The following EPB41L4A variants were observed in gnomAD, a reference collection of about 807,000 sequenced individuals.
EPB41L4A encodes band 4.1-like protein 4A.
In EPB41L4A, 100 loss-of-function variants were observed where a neutral mutation model predicts 108.6. That is an observed-to-expected ratio of 0.92 (90% confidence interval 0.78 to 1.09). EPB41L4A has a LOEUF of 1.09. Among genes scored for constraint, EPB41L4A ranks in the 50% least tolerant of loss-of-function variants. EPB41L4A has a pLI of 0.00. For synonymous variants in EPB41L4A, 319 were observed against 289.0 expected, an observed-to-expected ratio of 1.10 and a Z score of -1.05; for missense variants, 1,030 against 842.7, an observed-to-expected ratio of 1.22 and a Z score of -2.75.
intron 12 of EPB41L4A, among the ~76,000 whole-genome samples, chr5:112,218,725 G>C (rs1201275072): frequency 6.6e-6 from 1 of 152,138 alleles, no homozygotes; most frequent in African/African-American, 2.4e-5. Context: ...TGCTTATTTA[G>C]CTAAGGCAAA....
In EPB41L4A at chr5:112,167,242, T is replaced by TA. The variant is rs1760307091; in HGVS notation, c.1932+1496dup. Among the ~76,000 whole-genome samples, 7 of 152,100 alleles carry TA rather than the reference T, an allele frequency of 4.6e-5. No homozygotes were observed. In the South Asian group the frequency reaches 1.5e-3, roughly 32 times the overall value. ...CTTAGAAGTTTAGCAGTATTAAAGT[T>TA]ACACAAGTAGTACACAGAGATGAAA... On this transcript the variant is annotated intron_variant, in intron 22 of 22. Transcript: ENST00000261486.
At chr5:112,322,187 T>A (rs1755824834) in intron 1 of EPB41L4A, among the ~76,000 whole-genome samples, 1 of 152,218 alleles carries the variant, frequency 6.6e-6, no homozygotes, top group Non-Finnish European at 1.5e-5. Context: ...CATCTTCTCA[T>A]AAATGTGAAA....
At chr5:112,330,242 C>T (rs192855638) in intron 1 of EPB41L4A, among the ~76,000 whole-genome samples, 32 of 151,898 alleles carry the variant, frequency 2.1e-4, no homozygotes, top group Non-Finnish European at 2.9e-4. Context: ...GCAGGGCAGT[C>T]CCTGGGATTA....
intron 7 of EPB41L4A, among the ~76,000 whole-genome samples, chr5:112,261,885 A>ATTTTTTT (rs35793398): frequency 1.8e-5 from 2 of 112,444 alleles, no homozygotes; most frequent in African/African-American, 3.5e-5. Flanking sequence ...TTACACACCA[A>ATTTTTTT]TTTTTTTTTT....
chr5:112,309,990 A>G (rs1754945540), intron 1 of EPB41L4A, among the ~76,000 whole-genome samples: 1 of 152,190 alleles, frequency 6.6e-6, no homozygotes, highest in African/African-American at 2.4e-5. Flanking sequence ...TTGGAAGTCG[A>G]TTCTTCCCCA....
chr5:112,329,946 C>G (rs918490770), intron 1 of EPB41L4A, among the ~76,000 whole-genome samples: 2 of 152,184 alleles, frequency 1.3e-5, no homozygotes, highest in South Asian at 2.1e-4. Context: ...GTCGGCAAGT[C>G]TGCTGAATCA....
At chr5:112,157,446 AC>A (rs528334331) in intron 12 of EPB41L4A, among the ~76,000 whole-genome samples, 130 of 152,356 alleles carry the variant, frequency 8.5e-4, no homozygotes, top group African/African-American at 3.0e-3. Flanking sequence ...TGCTACCATA[AC>A]AAATTAACAC....
At position 112,419,053 on chromosome 5, in the gene EPB41L4A, G is replaced by C. The variant is rs764691535; in HGVS notation, c.-14C>G. 2 of 1,606,482 alleles carry C rather than the reference G, an allele frequency of 1.2e-6. No individual in the cohort carries two copies. Among genetic ancestry groups the C allele is most frequent in the East Asian group, 2.2e-5 (1 of 44,670 alleles). On this transcript the variant is annotated 5_prime_UTR_variant, in exon 1 of 23. Transcript: ENST00000261486. The stretch of plus-strand genomic sequence containing the variant: ...GAAACAGCCCATGTCGGTTGTGGTC[G>C]TCTCCAGCCAGGAGAGAAAGCTACC...
chr5:112,367,782 G>A (rs4958045), intron 1 of EPB41L4A, among the ~76,000 whole-genome samples: 25,227 of 150,826 alleles, frequency 0.17, 2,111 homozygotes, highest in Admixed American at 0.2. Flanking sequence ...AATGACATTT[G>A]CATTTCATTA....
chr5:112,215,897 G>C (rs1370243164), intron 12 of EPB41L4A, among the ~76,000 whole-genome samples: 1 of 152,122 alleles, frequency 6.6e-6, no homozygotes, highest in Non-Finnish European at 1.5e-5. Flanking sequence ...CTCATGGCCT[G>C]TGATATTTGT....
chr5:112,303,172 C>T (rs995447314), intron 2 of EPB41L4A, among the ~76,000 whole-genome samples: 1 of 152,138 alleles, frequency 6.6e-6, no homozygotes, highest in African/African-American at 2.4e-5. Context: ...ATTATAGGTA[C>T]TTTCCAGAAC....
rs376161410 is a variant in EPB41L4A at position 112,209,897 on chromosome 5, T to C, written c.1173A>G (p.Val391=). ...GTIKIIAPSP[V]KSFKKAKNEN... is the part of the protein sequence containing the mutation. ...CTTCAGTTAACTTCACTGACCTTTT[T>C]ACTGGTGAAGGTGCAATAATTTTAA... Residue 391 remains valine (V), a synonymous_variant, in exon 13 of 23, where the codon GTA becomes GTG. Transcript: ENST00000261486. The C allele has an allele frequency of 1.3e-6, 2 of 1,594,202 alleles. No individual in the cohort carries two copies. The highest frequency in any genetic ancestry group is 1.9e-4 in the Middle Eastern group (1 of 5,208).
chr5:112,266,449 C>T (rs1451581662), intron 4 of EPB41L4A, 119 bp from the exon 5 acceptor site: 2 of 665,368 alleles, frequency 3.0e-6, no homozygotes, highest in East Asian at 2.8e-5. Flanking sequence ...AGTCACCCCC[C>T]ATTCTTGTGT....
rs182451295 is a variant in EPB41L4A, at chr5:112,240,382, A to C, written c.887+337T>G. ...CCTAGATGGCTGATAGGCTTTTCAA[A>C]TTAATTATGCACAGAACACTCCATT... On this transcript the variant is annotated intron_variant, in intron 10 of 22. Coordinates refer to ENST00000261486, the MANE Select transcript of EPB41L4A (RefSeq NM_022140.5). 2.6e-5 allele frequency among the ~76,000 whole-genome samples: 4 copies of C among 152,334 alleles called. No individual in the cohort carries two copies. In the East Asian group the frequency reaches 7.7e-4, roughly 29 times the overall value.
intron 6 of EPB41L4A, chr5:112,264,666 C>CA: frequency 3.0e-6 from 1 of 328,928 alleles, no homozygotes; most frequent in Non-Finnish European, 5.4e-6. Context: ...GGCCATTGAC[C>CA]AAAAAATGGT....
intron 22 of EPB41L4A, among the ~76,000 whole-genome samples, chr5:112,168,403 T>G (rs2150196971): frequency 6.6e-6 from 1 of 152,368 alleles, no homozygotes; most frequent in African/African-American, 2.4e-5. Context: ...TCTTTGTTTC[T>G]CTGGCTCAAA....
chr5:112,205,048 G>C (rs1762406685), intron 14 of EPB41L4A, among the ~76,000 whole-genome samples: 1 of 152,144 alleles, frequency 6.6e-6, no homozygotes, highest in Non-Finnish European at 1.5e-5. Context: ...AGGAATAAAG[G>C]TCTTCCAGCA....
intron 12 of EPB41L4A, among the ~76,000 whole-genome samples, chr5:112,148,367 T>G (rs1759343837): frequency 6.6e-6 from 1 of 151,530 alleles, no homozygotes; most frequent in African/African-American, 2.4e-5. Flanking sequence ...ATTTTAAAAT[T>G]AGGGTTATAT....
chr5:112,409,118 A>G (rs1430304668), intron 1 of EPB41L4A, among the ~76,000 whole-genome samples: 1 of 152,178 alleles, frequency 6.6e-6, no homozygotes, highest in Admixed American at 6.5e-5. Context: ...AATAAAATAT[A>G]GTACATCCAT....
Sources: allele counts gnomAD v4.1 joint callset (sites outside exome capture counted in the v4.1 genomes callset), GRCh38; gene constraint gnomAD v4.1.1; transcripts MANE v1.5; gene names NCBI Gene and HGNC (gene_info 2026-07-23, HGNC 2026-07-21).